GRXCR1: variants seen among roughly 807,000 people sequenced by gnomAD.
The protein encoded by GRXCR1 is glutaredoxin and cysteine rich domain containing 1.
GRXCR1 carries 27 observed loss-of-function variants against 27.3 expected under a neutral mutation model. The ratio of observed to expected loss-of-function variants is 0.99; its 90% CI spans 0.73 to 1.37. The LOEUF (loss-of-function observed/expected upper bound fraction) is 1.37. Among genes scored for constraint, GRXCR1 ranks in the 40% most tolerant of loss-of-function variants. The pLI, the probability that GRXCR1 is intolerant of heterozygous loss-of-function variation, is 0.00. For missense variants in GRXCR1, 379 were observed against 354.4 expected (o/e 1.07, Z -0.56); for synonymous variants, 122 against 131.1 (o/e 0.93, Z 0.47).
intron 1 of GRXCR1, among the ~76,000 whole-genome samples, chr4:42,937,925 A>G (rs1420265082): frequency 1.3e-5 from 2 of 151,978 alleles, no homozygotes; most frequent in African/African-American, 4.8e-5. Flanking sequence ...AGTTATAAAC[A>G]TTTCAATTGA....
rs139026599 is a variant in GRXCR1, at chr4:43,009,186, A to G, written c.628-11168A>G. 7.9e-5 allele frequency among the ~76,000 whole-genome samples: 12 copies of G among 152,320 alleles called. No homozygotes were observed. In the East Asian group the frequency reaches 2.3e-3, roughly 29 times the overall value. On this transcript the variant is annotated intron_variant, in intron 2 of 3. Coordinates refer to ENST00000399770, the MANE Select transcript of GRXCR1 (RefSeq NM_001080476.3). Reference sequence around the variant, plus strand: ...ACCTGGGTTTATTAATCCTCCATGGATAATTAACTCCTTGATTTGCCTCTC... The same window carrying G: ...ACCTGGGTTTATTAATCCTCCATGGGTAATTAACTCCTTGATTTGCCTCTC...
chr4:42,988,299 T>A (rs2109789593), intron 2 of GRXCR1, among the ~76,000 whole-genome samples: 1 of 152,308 alleles, frequency 6.6e-6, no homozygotes. Flanking sequence ...TCTGTCACCA[T>A]CTGAGAGCAC....
chr4:42,917,846 A>G (rs1407177195), intron 1 of GRXCR1, among the ~76,000 whole-genome samples: 1 of 152,108 alleles, frequency 6.6e-6, no homozygotes, highest in East Asian at 1.9e-4. Context: ...TCCATGAACA[A>G]GCATCTTAAC....
At chr4:42,899,901 C>G (rs148162142) in intron 1 of GRXCR1, among the ~76,000 whole-genome samples, 1 of 152,126 alleles carries the variant, frequency 6.6e-6, no homozygotes, top group Non-Finnish European at 1.5e-5. Flanking sequence ...GGCTTTAGAA[C>G]AACCTGCTGA....
intron 2 of GRXCR1, among the ~76,000 whole-genome samples, chr4:43,010,505 G>A (rs10938229): frequency 0.23 from 35,637 of 151,900 alleles, 4,457 homozygotes; most frequent in Admixed American, 0.29. Context: ...AACCAAATGG[G>A]AGGCTGAGAA....
intron 2 of GRXCR1, among the ~76,000 whole-genome samples, chr4:42,991,488 A>ATC (rs1177481195): frequency 6.6e-6 from 1 of 151,670 alleles, no homozygotes. Flanking sequence ...ATATATATAT[A>ATC]TATCTGTCAT....
rs956970853 is a variant in GRXCR1 at position 43,030,223 on chromosome 4, G to C, written c.694-138G>C. 5.4e-6 allele frequency: 4 copies of C among 738,818 alleles called. No individual in the cohort carries two copies. In the African/African-American group the frequency reaches 6.9e-5, roughly 13 times the overall value. 45.8% of individuals were successfully genotyped at this position (738,818 alleles called of 1,614,324 possible). ...CTGGGTGTAATGTGTATTAATGGTA[G>C]GTGAATTCAAGTGTATAGCCATATT... On this transcript the variant is annotated intron_variant, in intron 3 of 3. Transcript: ENST00000399770.
intron 1 of GRXCR1, among the ~76,000 whole-genome samples, chr4:42,911,035 A>G (rs142283301): frequency 9.2e-5 from 14 of 152,198 alleles, no homozygotes; most frequent in African/African-American, 2.6e-4. Flanking sequence ...TGTAACTCTA[A>G]CACAGAAATC....
At chr4:42,969,304 G>A (rs985406613) in intron 2 of GRXCR1, among the ~76,000 whole-genome samples, 1 of 152,092 alleles carries the variant, frequency 6.6e-6, no homozygotes, top group Non-Finnish European at 1.5e-5. Context: ...GCTGAAAGAT[G>A]TTGATATTTT....
At chr4:42,927,890 C>G (rs1747209879) in intron 1 of GRXCR1, among the ~76,000 whole-genome samples, 1 of 151,764 alleles carries the variant, frequency 6.6e-6, no homozygotes, top group Non-Finnish European at 1.5e-5. Context: ...CTCAGGAAGC[C>G]CCTGTAGGAG....
intron 2 of GRXCR1, among the ~76,000 whole-genome samples, chr4:42,965,567 G>A (rs1233668755): frequency 2.0e-5 from 3 of 152,028 alleles, no homozygotes; most frequent in Non-Finnish European, 2.9e-5. Context: ...CTGGTGAAAT[G>A]TAATTTTAAG....
chr4:42,965,435 G>A (rs1455263562), intron 2 of GRXCR1, among the ~76,000 whole-genome samples: 1 of 151,946 alleles, frequency 6.6e-6, no homozygotes, highest in African/African-American at 2.4e-5. Flanking sequence ...TATTAAAATA[G>A]CCTGTTTATT....
chr4:42,950,365 G>A (rs963267402), intron 1 of GRXCR1, among the ~76,000 whole-genome samples: 6 of 152,132 alleles, frequency 3.9e-5, no homozygotes, highest in Non-Finnish European at 7.3e-5. Context: ...CTTATTCGCT[G>A]CCTGGCTTTT....
At chr4:42,986,296 C>T (rs1711721381) in intron 2 of GRXCR1, among the ~76,000 whole-genome samples, 1 of 152,186 alleles carries the variant, frequency 6.6e-6, no homozygotes, top group Admixed American at 6.5e-5. Flanking sequence ...AGCAGTAAGA[C>T]TTAAAATGCT....
At chr4:42,913,945 G>A (rs967483476) in intron 1 of GRXCR1, among the ~76,000 whole-genome samples, 1 of 152,326 alleles carries the variant, frequency 6.6e-6, no homozygotes, top group South Asian at 2.1e-4. Flanking sequence ...TACATGTTGT[G>A]TTGGGCCTGC....
At chr4:42,945,288 A>G (rs1301551560) in intron 1 of GRXCR1, among the ~76,000 whole-genome samples, 1 of 152,184 alleles carries the variant, frequency 6.6e-6, no homozygotes, top group Non-Finnish European at 1.5e-5. Context: ...GCTGACTCAG[A>G]CAGTTGCTCA....
intron 1 of GRXCR1, among the ~76,000 whole-genome samples, chr4:42,961,264 G>T (rs886968002): frequency 3.3e-5 from 5 of 151,862 alleles, no homozygotes; most frequent in Admixed American, 6.6e-5. Context: ...CGGGCATTTT[G>T]GTTGATTTCA....
intron 1 of GRXCR1, among the ~76,000 whole-genome samples, chr4:42,932,619 T>TATATATATAG (rs1249820617): frequency 1.7e-4 from 4 of 22,920 alleles, no homozygotes; most frequent in African/African-American, 3.4e-4. Flanking sequence ...TATATATATA[T>TATATATATAG]AGAGAGAGAG....
intron 1 of GRXCR1, among the ~76,000 whole-genome samples, chr4:42,903,734 G>C (rs1746522132): frequency 6.7e-6 from 1 of 148,210 alleles, no homozygotes. Flanking sequence ...TCCTGCTTCA[G>C]CTACTCAATT....
Sources: gnomAD v4.1 joint callset for allele counts (sites outside exome capture counted in the v4.1 genomes callset) on GRCh38, gnomAD v4.1.1 for gene constraint, MANE v1.5 for transcripts, NCBI Gene and HGNC (gene_info 2026-07-23, HGNC 2026-07-21) for gene names.